RGS12: variants seen among roughly 807,000 people sequenced by gnomAD.
RGS12 encodes the protein regulator of G-protein signaling 12.
A neutral mutation model predicts 120.1 loss-of-function variants in RGS12; 66 were observed. The ratio of observed to expected loss-of-function variants is 0.55; its 90% CI spans 0.45 to 0.67. The LOEUF is 0.67. RGS12 is among the 30% of genes least tolerant of loss of function. The pLI is 0.00. For synonymous variants in RGS12, 827 were observed against 804.7 expected (o/e 1.03, Z -0.47); for missense variants, 1,859 against 1,957.7 (o/e 0.95, Z 0.95).
chr4:3,410,258 T>C (rs1721593215), intron 4 of RGS12, among the ~76,000 whole-genome samples: 2 of 152,272 alleles, frequency 1.3e-5, no homozygotes, highest in Admixed American at 1.3e-4. Context: ...CCTGCTACCC[T>C]GCCCAGCTAA....
At chr4:3,362,739 GTGTGAGGGTGTGTGTGAAGA>G (rs900951791) in intron 3 of RGS12, among the ~76,000 whole-genome samples, 1 of 126,136 alleles carries the variant, frequency 7.9e-6, no homozygotes, top group Non-Finnish European at 1.7e-5. Context: ...GAGGATGTCT[GTGTGAGGGTGTGTGTGAAGA>G]TGTGAGGGTG....
chr4:3,425,047 C>T (rs1190408411), intron 13 of RGS12, among the ~76,000 whole-genome samples: 3 of 152,234 alleles, frequency 2.0e-5, no homozygotes, highest in African/African-American at 4.8e-5. Context: ...AACTCCAGCC[C>T]GGTGGCTAGT....
chr4:3,343,441 A>G (rs1204343213), intron 3 of RGS12, among the ~76,000 whole-genome samples: 1 of 152,148 alleles, frequency 6.6e-6, no homozygotes. Flanking sequence ...TCTTTTGTAA[A>G]GAACAATGAA....
Position 3,414,861 on chromosome 4 carries a change from G to A in RGS12, c.2283+17G>A. The A allele has an allele frequency of 1.9e-6, 3 of 1,580,198 alleles. No individual in the cohort carries two copies. The highest frequency in any genetic ancestry group is 2.6e-6 in the Non-Finnish European group (3 of 1,149,082). ...AAAAAGGAGGTAAGTCCACGCTTGG[G>A]AAGTGGGGGCTGTGTGAGAGTGGCG... On this transcript the variant is annotated intron_variant, in intron 6 of 17. Transcript: ENST00000336727.
chr4:3,297,757 C>A (rs1220735460), intron 1 of RGS12, among the ~76,000 whole-genome samples: 1 of 152,194 alleles, frequency 6.6e-6, no homozygotes, highest in Non-Finnish European at 1.5e-5. Context: ...CTCCAGGAGA[C>A]CTGCTGCGCC....
At chr4:3,291,499 A>C (rs2110337931), upstream of RGS12, among the ~76,000 whole-genome samples, 1 of 152,238 alleles carries the variant, frequency 6.6e-6, no homozygotes, top group East Asian at 1.9e-4. Flanking sequence ...GGCGCGTGCC[A>C]CCACGCTTGG....
At chr4:3,408,170 C>T (rs1721357816) in intron 4 of RGS12, among the ~76,000 whole-genome samples, 1 of 152,186 alleles carries the variant, frequency 6.6e-6, no homozygotes. Context: ...TGGTGGCATC[C>T]CTCCCGCGTT....
rs1263519555 is a variant in RGS12 at position 3,382,629 on chromosome 4, CTCAGT to C, written c.1999-3784_1999-3780del. Among the ~76,000 whole-genome samples, 4 of 152,312 alleles carry C rather than the reference CTCAGT, an allele frequency of 2.6e-5. No homozygotes were observed. In the East Asian group the frequency reaches 7.7e-4, roughly 29 times the overall value. ...GAATCTCAGATCCTGAGGAGACCAC[CTCAGT>C]TCTCTGCTGCTCTCTCTCTCTCCTC... On this transcript the variant is annotated intron_variant, in intron 3 of 17. Transcript: ENST00000336727.
intron 16 of RGS12, among the ~76,000 whole-genome samples, chr4:3,428,939 G>A (rs757608274): frequency 1.4e-4 from 22 of 152,178 alleles, no homozygotes; most frequent in Non-Finnish European, 2.2e-4. Flanking sequence ...AGGGGCAGCC[G>A]ATGTGAGCAG....
intron 2 of RGS12, among the ~76,000 whole-genome samples, chr4:3,331,569 C>T (rs1032502914): frequency 2.6e-5 from 4 of 151,722 alleles, no homozygotes; most frequent in African/African-American, 7.3e-5. Flanking sequence ...ATAGATTTTA[C>T]GCTGCTTTTC....
intron 2 of RGS12, among the ~76,000 whole-genome samples, chr4:3,318,855 G>A (rs1051199247): frequency 2.0e-5 from 3 of 152,232 alleles, no homozygotes; most frequent in African/African-American, 7.2e-5. Context: ...GCCGTGTGGG[G>A]CTGTGCTGTG....
intron 3 of RGS12, among the ~76,000 whole-genome samples, chr4:3,384,987 C>T (rs953231767): frequency 6.6e-6 from 1 of 152,176 alleles, no homozygotes; most frequent in Non-Finnish European, 1.5e-5. Flanking sequence ...AGTGGGTGTA[C>T]CGCTCGTGTT....
chr4:3,347,118 C>T (rs1242952079), intron 3 of RGS12, among the ~76,000 whole-genome samples: 1 of 151,978 alleles, frequency 6.6e-6, no homozygotes, highest in Admixed American at 6.6e-5. Context: ...GTATACTTTA[C>T]CAGATTGCTG....
intron 2 of RGS12, among the ~76,000 whole-genome samples, chr4:3,326,827 G>A (rs187952559): frequency 4.1e-4 from 63 of 152,098 alleles, no homozygotes; most frequent in Non-Finnish European, 7.1e-4. Flanking sequence ...ACAAACCAAT[G>A]GAAAAACATC....
intron 3 of RGS12, among the ~76,000 whole-genome samples, chr4:3,384,762 A>G (rs1299002299): frequency 6.6e-6 from 1 of 152,222 alleles, no homozygotes; most frequent in African/African-American, 2.4e-5. Context: ...GGTCTCACAC[A>G]GTGCCTGTCA....
chr4:3,294,004 A>ATCGCCGTG (rs1421549302), intron 1 of RGS12, among the ~76,000 whole-genome samples: 2 of 152,160 alleles, frequency 1.3e-5, no homozygotes, highest in Non-Finnish European at 2.9e-5. Flanking sequence ...GAGGGGGCCC[A>ATCGCCGTG]GAGCCGTGGA....
rs1250321691 is a variant in RGS12 at position 3,422,431 on chromosome 4, G to A, written c.2894G>A (p.Cys965Tyr). The part of the protein sequence containing the change: ...PEKDKATKHC[C>Y]IHLPDGTSCV... ...AAGGACAAGGCCACCAAGCACTGCT[G>A]CATTCATCTCCCGGATGGGACATCC... The change falls in exon 11 of 18, where the codon TGC becomes TAC. Residue 965 changes from cysteine (C) to tyrosine (Y), a missense_variant. Physicochemically the swap from Cys to Tyr is radical, Grantham distance 194. Around this residue, in one of 3 missense-constraint regions of RGS12, gnomAD observed 375 missense variants for 475.0 expected, o/e 0.79. Coordinates refer to ENST00000336727, the MANE Select transcript of RGS12 (RefSeq NM_001394154.1). 6.2e-7 allele frequency: 1 copy of A among 1,613,136 alleles called. No individual in the cohort carries two copies. The highest frequency in any genetic ancestry group is 2.2e-5 in the East Asian group (1 of 44,874).
Position 3,381,778 on chromosome 4 carries a change from C to T in RGS12, c.1999-4638C>T, listed in dbSNP as rs143891817. Among the ~76,000 whole-genome samples the T allele has an allele frequency of 3.8e-3, 572 of 152,350 alleles. 4 individuals are homozygous for T. Among genetic ancestry groups the T allele is most frequent in the African/African-American group, 0.013 (552 of 41,584 alleles). ...ACACAACAAAACCATATCACCTGGA[C>T]ATCAAACTGCTGTCCTCCAAGTTTT... is the stretch of plus-strand genomic sequence containing the variant. On this transcript the variant is annotated intron_variant, in intron 3 of 17. Transcript: ENST00000336727.
chr4:3,323,724 A>G (rs1436113195), intron 2 of RGS12, among the ~76,000 whole-genome samples: 1 of 152,178 alleles, frequency 6.6e-6, no homozygotes, highest in Non-Finnish European at 1.5e-5. Flanking sequence ...CTATCTTTGT[A>G]TATATGTGAG....
Sources: gnomAD v4.1 joint callset for allele counts (sites outside exome capture counted in the v4.1 genomes callset) on GRCh38, gnomAD v4.1.1 for gene constraint, gnomAD v4.1.1 regional missense constraint, MANE v1.5 for transcripts, NCBI Gene and HGNC (gene_info 2026-07-23, HGNC 2026-07-21) for gene names.